Variants in BLTP2 observed in about 807,000 individuals in gnomAD.
BLTP2 encodes the protein U937-associated antigen.
chr17:28,623,797 C>A, the BLTP2 span: 1 of 1,614,202 alleles, frequency 6.2e-7, no homozygotes, highest in Non-Finnish European at 8.5e-7. Context: ...CTCTGTGGGG[C>A]TGCTTTCAGT....
the BLTP2 span, among the ~76,000 whole-genome samples, chr17:28,627,916 C>T: frequency 2.6e-4 from 39 of 152,286 alleles, no homozygotes; most frequent in African/African-American, 9.4e-4. Context: ...CCACCTCGGC[C>T]TCCAAAAGTG....
chr17:28,639,952 A>G, the BLTP2 span: 2 of 1,614,098 alleles, frequency 1.2e-6, no homozygotes, highest in Non-Finnish European at 1.7e-6. Flanking sequence ...TTTGCTGTGA[A>G]GCTTCGAAGG....
At chr17:28,639,638 C>G in the BLTP2 span, 4 of 1,614,026 alleles carry the variant, frequency 2.5e-6, no homozygotes, top group Middle Eastern at 4.9e-4. Context: ...ACAACAACAA[C>G]CCATCTGTAA....
the BLTP2 span, chr17:28,642,870 T>C: frequency 6.4e-7 from 1 of 1,559,164 alleles, no homozygotes; most frequent in Non-Finnish European, 8.8e-7. Flanking sequence ...AGTGCTTACC[T>C]TTTCCCATCA....
chr17:28,625,334 CAAAAAA>C, the BLTP2 span, among the ~76,000 whole-genome samples: 5 of 29,062 alleles, frequency 1.7e-4, no homozygotes, highest in African/African-American at 5.9e-4. Context: ...GACTCCGTCT[CAAAAAA>C]AAAAAAAAAA....
At chr17:28,632,580 C>G in the BLTP2 span, among the ~76,000 whole-genome samples, 2 of 152,100 alleles carry the variant, frequency 1.3e-5, no homozygotes, top group African/African-American at 4.8e-5. Context: ...AGGGAGCTCA[C>G]TGACTCCTTC....
the BLTP2 span, chr17:28,639,416 G>T: frequency 3.7e-6 from 6 of 1,613,636 alleles, no homozygotes; most frequent in Non-Finnish European, 2.5e-6. Context: ...AGTGAATGAT[G>T]CAAGTGTTCA....
chr17:28,644,935 C>T, the BLTP2 span: 1 of 1,466,510 alleles, frequency 6.8e-7, no homozygotes, highest in Non-Finnish European at 9.3e-7. Context: ...TCCTCCTCTC[C>T]GCCCCCTCCC....
chr17:28,635,123 C>T, the BLTP2 span: 16 of 1,613,888 alleles, frequency 9.9e-6, no homozygotes, highest in East Asian at 2.2e-5. Context: ...GAGACTGAGC[C>T]GAAAGAGAGG....
the BLTP2 span, among the ~76,000 whole-genome samples, chr17:28,624,996 A>G: frequency 6.6e-6 from 1 of 152,208 alleles, no homozygotes; most frequent in African/African-American, 2.4e-5. Context: ...TCTTTGCATC[A>G]TAGTTTACTT....
At chr17:28,635,522 G>A in the BLTP2 span, 5 of 1,614,038 alleles carry the variant, frequency 3.1e-6, no homozygotes, top group African/African-American at 2.7e-5. Flanking sequence ...AGTAGGTCTC[G>A]GCACTGTAGA....
chr17:28,633,418 G>A, the BLTP2 span: 1 of 1,604,064 alleles, frequency 6.2e-7, no homozygotes, highest in Admixed American at 1.7e-5. Flanking sequence ...CCACCCCCGA[G>A]AATTTGGTGA....
chr17:28,617,201 A>G, the BLTP2 span: 1 of 1,578,122 alleles, frequency 6.3e-7, no homozygotes, highest in Non-Finnish European at 8.7e-7. Context: ...AAAACATGCA[A>G]ATGGACTAGG....
the BLTP2 span, chr17:28,618,928 G>A: frequency 3.7e-6 from 6 of 1,614,118 alleles, no homozygotes; most frequent in Non-Finnish European, 5.1e-6. Context: ...TGCTTTCGCA[G>A]CTCCATCTTG....
the BLTP2 span, chr17:28,615,961 G>C: frequency 1.0e-6 from 1 of 1,000,034 alleles, no homozygotes; most frequent in Non-Finnish European, 1.5e-6. Context: ...ACTCTTGAGG[G>C]GAGCAGAGGG....
the BLTP2 span, chr17:28,633,067 ACAC>A: frequency 6.3e-7 from 1 of 1,593,884 alleles, no homozygotes; most frequent in Admixed American, 1.8e-5. Context: ...CCGCAGAGTG[ACAC>A]TATGGTGATC....
chr17:28,638,401 T>C, the BLTP2 span: 2 of 1,613,834 alleles, frequency 1.2e-6, no homozygotes, highest in African/African-American at 1.3e-5. Flanking sequence ...CTTTGTGGCC[T>C]GAGGTGCTGG....
At chr17:28,615,256 TGGAGA>T in the BLTP2 span, 1 of 1,591,874 alleles carries the variant, frequency 6.3e-7, no homozygotes, top group Admixed American at 1.8e-5. Flanking sequence ...CCTGGCAGAT[TGGAGA>T]GGAGTAAAAG....
At chr17:28,619,003 A>AG in the BLTP2 span, 1 of 1,590,164 alleles carries the variant, frequency 6.3e-7, no homozygotes, top group Non-Finnish European at 8.6e-7. Context: ...AAAGCCAGTA[A>AG]GGGAAACAGC....
Sources: allele counts gnomAD v4.1 joint callset (sites outside exome capture counted in the v4.1 genomes callset), GRCh38; gene constraint gnomAD v4.1.1; transcripts MANE v1.5; gene names NCBI Gene and HGNC (gene_info 2026-07-23, HGNC 2026-07-21).